CEP170: variants seen among roughly 807,000 people sequenced by gnomAD.
CEP170 encodes the protein centrosomal protein 170, also known as centrosomal protein of 170 kDa.
CEP170 carries 21 observed loss-of-function variants against 151.9 expected under a neutral mutation model. The observed-to-expected ratio is 0.14, with a 90% confidence interval of 0.10 to 0.20. CEP170 has a LOEUF of 0.20. CEP170 is among the 10% of genes least tolerant of loss of function. The pLI, the probability that CEP170 is intolerant of heterozygous loss-of-function variation, is 1.00. For synonymous variants in CEP170, 356 were observed against 648.8 expected (o/e 0.55, Z 6.86); for missense variants, 964 against 1,892.9 (o/e 0.51, Z 9.11).
intron 13 of CEP170, chr1:243,163,353 C>T (rs1195770591): frequency 2.6e-5 from 4 of 152,202 alleles, no homozygotes; most frequent in African/African-American, 9.7e-5. Flanking sequence ...CCTTTGCAGC[C>T]ACGTCCACAT....
At chr1:243,148,989 G>C (rs559319972) in intron 14 of CEP170, among the ~76,000 whole-genome samples, 14 of 152,296 alleles carry the variant, frequency 9.2e-5, no homozygotes, top group Admixed American at 2.6e-4. Flanking sequence ...TTTCTTTTGG[G>C]CAGCAAGAGC....
chr1:243,139,848 C>T lies in CEP170; in HGVS notation c.4230+89G>A. ...CATTCATTAAGGAGAATCACTTTTT[C>T]CCCAGCCCTACTCACTGAATGGTTC... On this transcript the variant is annotated intron_variant, in intron 16 of 19. Coordinates refer to ENST00000366542, the MANE Select transcript of CEP170 (RefSeq NM_014812.3). 2.8e-6 allele frequency: 4 copies of T among 1,418,670 alleles called. No homozygotes were observed. The South Asian group carries it at 6.4e-5, about 23-fold the overall frequency. The allele number at this position is 1,418,670 out of a possible 1,614,324, so 87.9% of individuals were successfully genotyped here. A position where few individuals can be genotyped will look rare whatever the true frequency, so the allele number is the denominator to read the frequency against.
At chr1:243,238,806 C>T (rs905080017) in intron 1 of CEP170, among the ~76,000 whole-genome samples, 12 of 152,154 alleles carry the variant, frequency 7.9e-5, no homozygotes, top group African/African-American at 2.2e-4. Flanking sequence ...ATGGTGCTAA[C>T]GGTTCATGGT....
intron 8 of CEP170, among the ~76,000 whole-genome samples, chr1:243,187,254 T>A (rs913629901): frequency 6.6e-6 from 1 of 152,214 alleles, no homozygotes; most frequent in Non-Finnish European, 1.5e-5. Context: ...ACAAAGGTTT[T>A]TCTATTTTAG....
intron 1 of CEP170, among the ~76,000 whole-genome samples, chr1:243,249,243 T>C (rs1002822069): frequency 1.3e-5 from 2 of 151,796 alleles, no homozygotes; most frequent in African/African-American, 4.8e-5. Context: ...CTTGGCAACA[T>C]AGTGAGACCT....
intron 4 of CEP170, among the ~76,000 whole-genome samples, chr1:243,205,218 C>T (rs890143630): frequency 6.6e-6 from 1 of 152,138 alleles, no homozygotes; most frequent in Non-Finnish European, 1.5e-5. Context: ...CAGAGATTTT[C>T]AGTCTCTGGA....
intron 14 of CEP170, among the ~76,000 whole-genome samples, chr1:243,144,337 C>G (rs2056218986): frequency 1.3e-5 from 2 of 152,114 alleles, no homozygotes; most frequent in South Asian, 4.1e-4. Context: ...TTTTTTTGGC[C>G]AAGGTCACAC....
intron 16 of CEP170, among the ~76,000 whole-genome samples, chr1:243,137,586 C>A (rs1206981329): frequency 2.6e-5 from 4 of 151,894 alleles, no homozygotes; most frequent in African/African-American, 4.8e-5. Flanking sequence ...ACCATCCTGG[C>A]CAACATGGTG....
At chr1:243,140,829 T>G (rs1297363618) in intron 15 of CEP170, among the ~76,000 whole-genome samples, 1 of 152,222 alleles carries the variant, frequency 6.6e-6, no homozygotes, top group Non-Finnish European at 1.5e-5. Context: ...TTACTGGGTC[T>G]GAGTGAATGT....
chr1:243,158,938 G>A (rs1302946814), intron 13 of CEP170, among the ~76,000 whole-genome samples: 4 of 151,782 alleles, frequency 2.6e-5, no homozygotes, highest in East Asian at 1.9e-4. Context: ...GTGGTAGGGC[G>A]CGCCTGTAAT....
chr1:243,214,030 A>G (rs983814052), intron 3 of CEP170, among the ~76,000 whole-genome samples: 4 of 152,152 alleles, frequency 2.6e-5, no homozygotes, highest in Non-Finnish European at 5.9e-5. Flanking sequence ...AAGAAGTGTC[A>G]TATTTTAAAA....
intron 1 of CEP170, among the ~76,000 whole-genome samples, chr1:243,226,216 G>T: frequency 1.5e-5 from 2 of 135,270 alleles, no homozygotes; most frequent in African/African-American, 3.0e-5. Context: ...TATATCTATA[G>T]AGAGATAGAC....
rs551729103 is a variant in CEP170, at chr1:243,146,396, C to T, written c.3912-3933G>A. Among the ~76,000 whole-genome samples, 15 of 152,190 alleles carry T rather than the reference C, an allele frequency of 9.9e-5. 1 individual carries two copies. The highest frequency in any genetic ancestry group is 4.1e-4 in the South Asian group (2 of 4,826). Reference sequence around the variant, plus strand: ...CCAATTCCTTCTAATGGTATAAAAGCCAGTCAGCCAAATAATGAAGAGCCA... The same window carrying T: ...CCAATTCCTTCTAATGGTATAAAAGTCAGTCAGCCAAATAATGAAGAGCCA... On this transcript the variant is annotated intron_variant, in intron 14 of 19. Transcript: ENST00000366542.
At chr1:243,247,588 A>C (rs2065536073) in intron 1 of CEP170, among the ~76,000 whole-genome samples, 1 of 152,174 alleles carries the variant, frequency 6.6e-6, no homozygotes, top group Non-Finnish European at 1.5e-5. Flanking sequence ...TCCTGACCTC[A>C]GGTGATCCAC....
chr1:243,126,827 G>A lies in CEP170; in HGVS notation c.4466-89C>T, dbSNP rs2053748276. The A allele has an allele frequency of 1.2e-5, 8 of 654,258 alleles. No homozygotes were observed. The East Asian group carries it at 1.9e-4, about 16-fold the overall frequency. 40.5% of individuals were successfully genotyped at this position (654,258 alleles called of 1,614,324 possible). A position where few individuals can be genotyped will look rare whatever the true frequency, so the allele number is the denominator to read the frequency against. Reference sequence around the variant, plus strand: ...GATTTGGATAATATTTAAACTATCAGTGCGTATGTGATCTTAAATGTGGCT... The same window carrying A: ...GATTTGGATAATATTTAAACTATCAATGCGTATGTGATCTTAAATGTGGCT... On this transcript the variant is annotated intron_variant, in intron 19 of 19. Coordinates refer to ENST00000366542, the MANE Select transcript of CEP170 (RefSeq NM_014812.3).
At chr1:243,209,329 G>GTACC (rs2061620479) in intron 4 of CEP170, among the ~76,000 whole-genome samples, 1 of 152,014 alleles carries the variant, frequency 6.6e-6, no homozygotes, top group African/African-American at 2.4e-5. Flanking sequence ...GGGATTACAT[G>GTACC]TACCTGCCAC....
At chr1:243,176,604 A>C in intron 10 of CEP170, 1 of 217,574 alleles carries the variant, frequency 4.6e-6, no homozygotes, top group Non-Finnish European at 9.6e-6. Context: ...TTCTGAATAC[A>C]TTTGTATATT....
intron 14 of CEP170, among the ~76,000 whole-genome samples, chr1:243,152,642 C>T (rs2057216585): frequency 6.9e-6 from 1 of 145,798 alleles, no homozygotes; most frequent in South Asian, 2.3e-4. Context: ...AACAATTCTC[C>T]TGCCTCAGCC....
intron 8 of CEP170, among the ~76,000 whole-genome samples, chr1:243,188,623 T>A (rs555212135): frequency 2.0e-5 from 3 of 152,308 alleles, no homozygotes; most frequent in Non-Finnish European, 4.4e-5. Flanking sequence ...AAGTCAGTGG[T>A]GTGGCCTAAA....
Sources: allele counts gnomAD v4.1 joint callset (sites outside exome capture counted in the v4.1 genomes callset), GRCh38; gene constraint gnomAD v4.1.1; transcripts MANE v1.5; gene names NCBI Gene and HGNC (gene_info 2026-07-23, HGNC 2026-07-21).